Variants in GRIN3A observed in about 807,000 individuals in gnomAD.
The protein encoded by GRIN3A is glutamate receptor ionotropic, NMDA 3A.
Under a neutral mutation model 92.4 loss-of-function variants are expected in GRIN3A, and 47 were observed. The ratio of observed to expected loss-of-function variants is 0.51; its 90% CI spans 0.40 to 0.65. The LOEUF (loss-of-function observed/expected upper bound fraction) is 0.65, where lower values mean the gene tolerates loss of function less well. Ranked by LOEUF, GRIN3A falls within the 30% of genes least tolerant of loss-of-function variation. GRIN3A has a pLI of 0.00. For missense variants in GRIN3A, 1,324 were observed against 1,393.1 expected (o/e 0.95, Z 0.79); for synonymous variants, 527 against 540.6 (o/e 0.97, Z 0.35).
intron 1 of GRIN3A, among the ~76,000 whole-genome samples, chr9:101,719,371 A>G (rs1309876748): frequency 6.6e-6 from 1 of 150,790 alleles, no homozygotes; most frequent in Non-Finnish European, 1.5e-5. Context: ...GTGAGCTGAG[A>G]TTGCACCACT....
intron 3 of GRIN3A, among the ~76,000 whole-genome samples, chr9:101,629,289 G>C (rs1448419206): frequency 6.6e-6 from 1 of 151,742 alleles, no homozygotes; most frequent in Non-Finnish European, 1.5e-5. Flanking sequence ...ACACACATAC[G>C]CACATGCACA....
At chr9:101,582,510 C>T (rs572152553) in intron 6 of GRIN3A, among the ~76,000 whole-genome samples, 1 of 152,296 alleles carries the variant, frequency 6.6e-6, no homozygotes, top group Non-Finnish European at 1.5e-5. Context: ...ACCCCAAGGG[C>T]TTCAGAGGTA....
chr9:101,735,485 G>A (rs1323344346), intron 1 of GRIN3A, among the ~76,000 whole-genome samples: 2 of 151,570 alleles, frequency 1.3e-5, no homozygotes, highest in South Asian at 2.1e-4. Context: ...GTAATGTGCT[G>A]TATGCTGCAC....
intron 6 of GRIN3A, among the ~76,000 whole-genome samples, chr9:101,583,945 C>T (rs1257975951): frequency 6.6e-6 from 1 of 152,174 alleles, no homozygotes; most frequent in African/African-American, 2.4e-5. Flanking sequence ...CAACCTCTGC[C>T]TCCCGGGTTC....
At chr9:101,686,327 CAA>C (rs1338724014) in intron 2 of GRIN3A, among the ~76,000 whole-genome samples, 1 of 151,974 alleles carries the variant, frequency 6.6e-6, no homozygotes. Flanking sequence ...AATAACTTTC[CAA>C]GAACACAACA....
intron 2 of GRIN3A, among the ~76,000 whole-genome samples, chr9:101,683,098 G>A (rs1013314611): frequency 2.1e-4 from 32 of 152,222 alleles, no homozygotes; most frequent in African/African-American, 7.5e-4. Context: ...ATGGACATTT[G>A]CTCTGGCATG....
intron 6 of GRIN3A, among the ~76,000 whole-genome samples, chr9:101,580,424 T>C (rs1315315023): frequency 6.6e-6 from 1 of 152,066 alleles, no homozygotes; most frequent in Non-Finnish European, 1.5e-5. Flanking sequence ...CTCTTAGAGA[T>C]TGAGAGAGAT....
At chr9:101,692,460 C>T (rs1009060439) in intron 1 of GRIN3A, among the ~76,000 whole-genome samples, 12 of 152,134 alleles carry the variant, frequency 7.9e-5, no homozygotes, top group African/African-American at 2.7e-4. Context: ...AAAGAGTTTG[C>T]CACAGAGCTT....
In GRIN3A at chr9:101,594,717, C is replaced by A. The variant is rs1248714701; in HGVS notation, c.2767-15357G>T. ...AGGATGAATTCCTTGAAGTCCACTT[C>A]TCCATCACCGTCGGTGTCGAAGACG... is the stretch of plus-strand genomic sequence containing the variant. On this transcript the variant is annotated intron_variant, in intron 6 of 8. Transcript: ENST00000361820. 4 of 1,613,916 alleles carry A rather than the reference C, an allele frequency of 2.5e-6. No homozygotes were observed. In the South Asian group the frequency reaches 4.4e-5, roughly 18 times the overall value.
At chr9:101,714,953 A>G (rs1829926099) in intron 1 of GRIN3A, among the ~76,000 whole-genome samples, 1 of 152,148 alleles carries the variant, frequency 6.6e-6, no homozygotes, top group Non-Finnish European at 1.5e-5. Context: ...GTGATATCTA[A>G]GTGAGTTTAT....
chr9:101,672,136 A>G (rs1017460092), intron 2 of GRIN3A, among the ~76,000 whole-genome samples: 1 of 152,176 alleles, frequency 6.6e-6, no homozygotes, highest in Non-Finnish European at 1.5e-5. Flanking sequence ...CCCCATTTGA[A>G]TATTGGTCTA....
chr9:101,616,294 G>C (rs1199893377), intron 5 of GRIN3A, among the ~76,000 whole-genome samples: 1 of 152,160 alleles, frequency 6.6e-6, no homozygotes, highest in African/African-American at 2.4e-5. Flanking sequence ...TCTAAAGAAA[G>C]CTGATTACTT....
At chr9:101,722,260 T>C (rs1252446492) in intron 1 of GRIN3A, among the ~76,000 whole-genome samples, 1 of 152,244 alleles carries the variant, frequency 6.6e-6, no homozygotes, top group East Asian at 1.9e-4. Flanking sequence ...AAGTCAAGAA[T>C]TGAGGTTTGG....
chr9:101,644,390 C>T (rs1298240022), intron 3 of GRIN3A, among the ~76,000 whole-genome samples: 27 of 133,478 alleles, frequency 2.0e-4, no homozygotes, highest in Non-Finnish European at 4.2e-4. Flanking sequence ...TGTTCAAGAT[C>T]AAAGACTTGA....
At chr9:101,706,192 A>G (rs972820815) in intron 1 of GRIN3A, among the ~76,000 whole-genome samples, 2 of 152,182 alleles carry the variant, frequency 1.3e-5, no homozygotes, top group African/African-American at 4.8e-5. Context: ...CCTACCTAAT[A>G]CTACTTGAAC....
At chr9:101,715,333 A>G (rs1312569103) in intron 1 of GRIN3A, among the ~76,000 whole-genome samples, 18 of 152,190 alleles carry the variant, frequency 1.2e-4, no homozygotes, top group Admixed American at 1.2e-3. Context: ...TGGCAATGCC[A>G]TATTAAATGA....
chr9:101,702,869 A>C (rs1449275925), intron 1 of GRIN3A, among the ~76,000 whole-genome samples: 1 of 152,176 alleles, frequency 6.6e-6, no homozygotes, highest in Non-Finnish European at 1.5e-5. Flanking sequence ...CAGGCCAAAA[A>C]CGAAGAAATC....
chr9:101,680,191 T>A (rs1829450739), intron 2 of GRIN3A, among the ~76,000 whole-genome samples: 1 of 152,172 alleles, frequency 6.6e-6, no homozygotes, highest in Non-Finnish European at 1.5e-5. Flanking sequence ...TGCCACTAAG[T>A]TATGGTGACA....
intron 3 of GRIN3A, among the ~76,000 whole-genome samples, chr9:101,637,806 A>C (rs1164076311): frequency 6.6e-6 from 1 of 152,184 alleles, no homozygotes; most frequent in Non-Finnish European, 1.5e-5. Context: ...TCCAAACATT[A>C]TACTGTACTA....
Sources: gnomAD v4.1 joint callset for allele counts (sites outside exome capture counted in the v4.1 genomes callset) on GRCh38, gnomAD v4.1.1 for gene constraint, MANE v1.5 for transcripts, NCBI Gene and HGNC (gene_info 2026-07-23, HGNC 2026-07-21) for gene names.